AP4E1: variants seen among roughly 807,000 people sequenced by gnomAD.
The protein encoded by AP4E1 is AP-4 complex subunit epsilon-1.
In AP4E1, 56 loss-of-function variants were observed where a neutral mutation model predicts 128.2. That is an observed-to-expected ratio of 0.44 (90% CI 0.35 to 0.55). The LOEUF (loss-of-function observed/expected upper bound fraction) is 0.55, where lower values mean the gene tolerates loss of function less well. Among genes scored for constraint, AP4E1 ranks in the 20% least tolerant of loss-of-function variants. The pLI is 0.00. For synonymous variants in AP4E1, 484 were observed against 473.1 expected (o/e 1.02, Z -0.30); for missense variants, 1,324 against 1,307.7 (o/e 1.01, Z -0.19).
intron 19 of AP4E1, among the ~76,000 whole-genome samples, chr15:50,999,703 CTTTTT>C (rs201661330): frequency 0.017 from 2,531 of 151,924 alleles, 34 homozygotes; most frequent in South Asian, 0.062. Flanking sequence ...AGTTATTAAA[CTTTTT>C]TTTATTATTA....
intron 7 of AP4E1, among the ~76,000 whole-genome samples, chr15:50,933,636 G>C (rs1257123073): frequency 6.6e-6 from 1 of 152,056 alleles, no homozygotes; most frequent in African/African-American, 2.4e-5. Flanking sequence ...AGAAAGAAAT[G>C]CTTACACAAT....
intron 15 of AP4E1, among the ~76,000 whole-genome samples, chr15:50,982,086 C>CAAAAAAAA (rs55717107): frequency 1.0e-4 from 5 of 49,274 alleles, no homozygotes; most frequent in South Asian, 1.1e-3. Context: ...ACTCCCATCT[C>CAAAAAAAA]AAAAAAAAAA....
rs2063687244 is a variant in AP4E1, at chr15:50,920,459, T to TA, written c.347-3471dup. Among the ~76,000 whole-genome samples the TA allele has an allele frequency of 9.1e-5, 13 of 143,578 alleles. 1 individual carries two copies. The Admixed American group carries it at 9.5e-4, about 11-fold the overall frequency. 94.2% of individuals were successfully genotyped at this position (143,578 alleles called of 152,430 possible). On this transcript the variant is annotated intron_variant, in intron 3 of 20. Coordinates refer to ENST00000261842, the MANE Select transcript of AP4E1 (RefSeq NM_007347.5). Reference sequence around the variant, plus strand: ...AGAGTCTCTGTCACCTAGGCTGGAGTATGGTGGCGCCACCTCGGTTCACTG... The same window carrying TA: ...AGAGTCTCTGTCACCTAGGCTGGAGTAATGGTGGCGCCACCTCGGTTCACTG...
chr15:50,923,805 T>G (rs761132755), intron 3 of AP4E1, 126 bp from the exon 4 acceptor site: 1 of 710,984 alleles, frequency 1.4e-6, no homozygotes, highest in Non-Finnish European at 2.5e-6. Flanking sequence ...CCTTATATTT[T>G]GCAATTTGTG....
chr15:50,972,244 C>T (rs2064489665), intron 15 of AP4E1, among the ~76,000 whole-genome samples: 1 of 151,968 alleles, frequency 6.6e-6, no homozygotes, highest in African/African-American at 2.4e-5. Flanking sequence ...AGGAGTCTCG[C>T]TCTGTCATCC....
chr15:50,974,559 G>A (rs1221846137), intron 15 of AP4E1, among the ~76,000 whole-genome samples: 1 of 152,138 alleles, frequency 6.6e-6, no homozygotes, highest in African/African-American at 2.4e-5. Context: ...GAGCCACTGT[G>A]TACTGCCTGT....
chr15:50,930,794 G>A lies in AP4E1; in HGVS notation c.703-11G>A. ...CGTTATTAACAAAGTTTTTTTTGCG[G>A]GGGGATGTAGGAGAATTCATCTGGA... is the stretch of plus-strand genomic sequence containing the variant. On this transcript the variant is annotated splice_polypyrimidine_tract_variant and intron_variant, in intron 6 of 20. Transcript: ENST00000261842. The A allele has an allele frequency of 6.2e-7, 1 of 1,612,376 alleles. No individual in the cohort carries two copies. The highest frequency in any genetic ancestry group is 8.5e-7 in the Non-Finnish European group (1 of 1,179,476).
intron 14 of AP4E1, among the ~76,000 whole-genome samples, chr15:50,964,954 A>ACC (rs1278939896): frequency 1.8e-4 from 5 of 27,840 alleles, no homozygotes; most frequent in African/African-American, 5.3e-4. Flanking sequence ...ACCTCCCCCT[A>ACC]CCACACACAC....
At chr15:50,925,249 A>G (rs1567214070) in intron 5 of AP4E1, 30 bp downstream of exon 5, 2 of 1,601,098 alleles carry the variant, frequency 1.2e-6, no homozygotes, top group Non-Finnish European at 1.7e-6. Context: ...ATAGGCATCT[A>G]TGCCATATAT....
At chr15:50,928,791 C>T (rs1413432468) in intron 5 of AP4E1, among the ~76,000 whole-genome samples, 2 of 149,742 alleles carry the variant, frequency 1.3e-5, no homozygotes, top group Non-Finnish European at 3.0e-5. Context: ...ATATATAACA[C>T]GGGCAGTTAA....
chr15:50,946,669 T>G (rs1169528921), intron 10 of AP4E1, among the ~76,000 whole-genome samples: 1 of 152,206 alleles, frequency 6.6e-6, no homozygotes, highest in Non-Finnish European at 1.5e-5. Flanking sequence ...GACAAATATG[T>G]GGAAATTATC....
chr15:50,945,318 G>A, intron 10 of AP4E1: 1 of 780,822 alleles, frequency 1.3e-6, no homozygotes, highest in Admixed American at 1.7e-5. Flanking sequence ...CGTCTGACAG[G>A]AATATAGTAC....
intron 13 of AP4E1, among the ~76,000 whole-genome samples, chr15:50,950,890 A>G (rs183952918): frequency 5.3e-5 from 8 of 152,252 alleles, no homozygotes; most frequent in Admixed American, 4.6e-4. Context: ...CTGTTCCTGC[A>G]TTAGTTTGCT....
intron 16 of AP4E1, among the ~76,000 whole-genome samples, chr15:50,990,509 A>G (rs2064791577): frequency 6.6e-6 from 1 of 151,738 alleles, no homozygotes; most frequent in Non-Finnish European, 1.5e-5. Context: ...TGGAGTACAC[A>G]TTCAAAGCCG....
chr15:50,946,031 ATTTG>A, intron 10 of AP4E1: 1 of 841,988 alleles, frequency 1.2e-6, no homozygotes, highest in Non-Finnish European at 2.0e-6. Flanking sequence ...ATGTACAATT[ATTTG>A]TTACTTTTGA....
At chr15:50,921,238 C>G (rs1391997059) in intron 3 of AP4E1, among the ~76,000 whole-genome samples, 1 of 152,194 alleles carries the variant, frequency 6.6e-6, no homozygotes, top group East Asian at 1.9e-4. Context: ...AGTCCTCCCA[C>G]CTTGGCCCCC....
At chr15:50,962,088 A>G (rs541211030) in intron 14 of AP4E1, among the ~76,000 whole-genome samples, 1 of 152,198 alleles carries the variant, frequency 6.6e-6, no homozygotes, top group African/African-American at 2.4e-5. Context: ...TACAAGGAAA[A>G]CTTCAAAAGG....
intron 19 of AP4E1, among the ~76,000 whole-genome samples, chr15:51,000,141 C>T (rs200936370): frequency 4.1e-5 from 5 of 120,792 alleles, no homozygotes; most frequent in Admixed American, 9.5e-5. Context: ...TTTGTTCATT[C>T]TTTTTTTTTT....
intron 13 of AP4E1, among the ~76,000 whole-genome samples, chr15:50,952,582 T>C (rs1308330158): frequency 6.6e-6 from 1 of 152,110 alleles, no homozygotes; most frequent in Non-Finnish European, 1.5e-5. Context: ...CTCTGATTTA[T>C]GGATTTGTAC....
Sources: allele counts gnomAD v4.1 joint callset (sites outside exome capture counted in the v4.1 genomes callset), GRCh38; gene constraint gnomAD v4.1.1; transcripts MANE v1.5; gene names NCBI Gene and HGNC (gene_info 2026-07-23, HGNC 2026-07-21).